PPHLN1: variants seen among roughly 807,000 people sequenced by gnomAD.
PPHLN1 encodes the protein periphilin-1.
Under a neutral mutation model 51.3 loss-of-function variants are expected in PPHLN1, and 29 were observed. The ratio of observed to expected loss-of-function variants is 0.57; its 90% CI spans 0.42 to 0.77. PPHLN1 has a LOEUF of 0.77. PPHLN1 is among the 30% of genes least tolerant of loss of function. The pLI is 0.00. For missense variants in PPHLN1, 436 were observed against 438.4 expected, an observed-to-expected ratio of 0.99 and a Z score of 0.05; for synonymous variants, 147 against 147.8, an observed-to-expected ratio of 0.99 and a Z score of 0.04.
chr12:42,396,095 C>T (rs538854788), intron 8 of PPHLN1, among the ~76,000 whole-genome samples: 8 of 152,142 alleles, frequency 5.3e-5, no homozygotes, highest in African/African-American at 1.9e-4. Flanking sequence ...AAAAAAGATT[C>T]TAGTAGCCAG....
At chr12:42,442,547 C>CT, downstream of PPHLN1, 2 of 1,546,302 alleles carry the variant, frequency 1.3e-6, no homozygotes, top group Non-Finnish European at 1.8e-6. Flanking sequence ...GGACTGCACT[C>CT]TCTTTTGGGC....
intron 7 of PPHLN1, among the ~76,000 whole-genome samples, chr12:42,393,164 G>A (rs912619156): frequency 3.3e-5 from 5 of 152,060 alleles, no homozygotes; most frequent in African/African-American, 7.2e-5. Flanking sequence ...ATATCTGTAC[G>A]TTTCTGTTGT....
intron 3 of PPHLN1, among the ~76,000 whole-genome samples, chr12:42,354,499 T>C (rs909308016): frequency 6.6e-6 from 1 of 152,166 alleles, no homozygotes; most frequent in African/African-American, 2.4e-5. Context: ...CGTGAGCCAC[T>C]GCGCCTGGCC....
chr12:42,350,712 C>G (rs898751082), intron 2 of PPHLN1, among the ~76,000 whole-genome samples: 2 of 152,148 alleles, frequency 1.3e-5, no homozygotes, highest in Non-Finnish European at 2.9e-5. Context: ...TCTGCGATCC[C>G]GGCACCTCGG....
At chr12:42,419,342 A>G (rs111456960) in intron 9 of PPHLN1, among the ~76,000 whole-genome samples, 16,887 of 151,970 alleles carry the variant, frequency 0.11, 1,174 homozygotes, top group African/African-American at 0.19. Flanking sequence ...CCCGGGTTCA[A>G]GTGATTCTCC....
At chr12:42,444,890 G>A (rs533903263), downstream of PPHLN1, 55 of 575,224 alleles carry the variant, frequency 9.6e-5, no homozygotes, top group Middle Eastern at 1.5e-3. Flanking sequence ...ATGGAAAAGC[G>A]GCTATCTGGT....
At chr12:42,383,220 A>G (rs1017486769) in intron 5 of PPHLN1, among the ~76,000 whole-genome samples, 35 of 152,216 alleles carry the variant, frequency 2.3e-4, no homozygotes, top group Non-Finnish European at 1.0e-4. Context: ...CTCCAAGGTT[A>G]AAAAGATAAG....
At chr12:42,379,101 A>G (rs1248176999) in intron 5 of PPHLN1, among the ~76,000 whole-genome samples, 1 of 151,850 alleles carries the variant, frequency 6.6e-6, no homozygotes, top group Non-Finnish European at 1.5e-5. Context: ...GTCAATTCTA[A>G]TACTTATTTT....
intron 9 of PPHLN1, among the ~76,000 whole-genome samples, chr12:42,438,447 C>T (rs1057334529): frequency 5.9e-5 from 9 of 152,256 alleles, no homozygotes; most frequent in Non-Finnish European, 1.2e-4. Context: ...TCTCACTACT[C>T]ATCATCGTTT....
chr12:42,444,971 A>G, downstream of PPHLN1: 1 of 686,586 alleles, frequency 1.5e-6, no homozygotes, highest in Non-Finnish European at 2.6e-6. Flanking sequence ...GAGCCCTAAT[A>G]TTGGCCCTAG....
At chr12:42,429,265 T>C (rs972914724) in intron 9 of PPHLN1, among the ~76,000 whole-genome samples, 3 of 152,222 alleles carry the variant, frequency 2.0e-5, no homozygotes, top group Non-Finnish European at 4.4e-5. Flanking sequence ...TTGGTTTTTT[T>C]CCTAATCAAC....
intron 9 of PPHLN1, chr12:42,431,533 T>G: frequency 1.8e-6 from 1 of 563,278 alleles, no homozygotes; most frequent in Non-Finnish European, 3.2e-6. Flanking sequence ...ATCCCTCCCC[T>G]TTTTGAATTC....
downstream of PPHLN1, chr12:42,442,922 T>C: frequency 2.1e-6 from 2 of 971,940 alleles, no homozygotes; most frequent in Non-Finnish European, 2.9e-6. Flanking sequence ...TGCAAACTGT[T>C]GTTTCCCATA....
chr12:42,344,486 T>C (rs560320518), intron 2 of PPHLN1, among the ~76,000 whole-genome samples: 2 of 152,166 alleles, frequency 1.3e-5, no homozygotes, highest in Non-Finnish European at 2.9e-5. Context: ...ACACTTAAAA[T>C]GTCAATAAGT....
chr12:42,398,648 TAAAAA>T (rs993491034), intron 8 of PPHLN1: 1 of 317,648 alleles, frequency 3.1e-6, no homozygotes, highest in African/African-American at 2.2e-5. Flanking sequence ...TGTTCCATAT[TAAAAA>T]AAAAAAAGTA....
At chr12:42,416,840 A>G (rs1282046314) in intron 9 of PPHLN1, among the ~76,000 whole-genome samples, 8 of 152,156 alleles carry the variant, frequency 5.3e-5, no homozygotes, top group African/African-American at 1.9e-4. Context: ...TATTTTACTG[A>G]ATTTTGAAGG....
rs113776346 is a variant in PPHLN1, at chr12:42,392,478, T to C, written c.649-1092T>C. Among the ~76,000 whole-genome samples, 692 of 152,316 alleles carry C rather than the reference T, an allele frequency of 4.5e-3. 1 individual carries two copies. The highest frequency in any genetic ancestry group is 0.016 in the African/African-American group (670 of 41,560). On this transcript the variant is annotated intron_variant, in intron 7 of 9. Transcript: ENST00000358314. ...ATATTTGGAATCAGTGATGTGACTT[T>C]AGAGAAGTAAAGCTTAGTAATAGAA...
intron 9 of PPHLN1, among the ~76,000 whole-genome samples, chr12:42,406,819 A>G (rs1813004218): frequency 6.6e-6 from 1 of 152,134 alleles, no homozygotes; most frequent in Non-Finnish European, 1.5e-5. Context: ...AATTTCTAGA[A>G]GCTTTTTTTA....
chr12:42,411,867 G>A lies in PPHLN1; in HGVS notation c.909+12873G>A, dbSNP rs571377629. On this transcript the variant is annotated intron_variant, in intron 9 of 9. Coordinates refer to ENST00000358314, the MANE Select transcript of PPHLN1 (RefSeq NM_201439.2). ...TGCAGTGTGTGGAGATCGTGCCCTT[G>A]TACTCCAGCCTGGGGGATAGAGTGA... 8.1e-5 allele frequency among the ~76,000 whole-genome samples: 10 copies of A among 123,464 alleles called. No homozygotes were observed. The East Asian group carries it at 2.5e-3, about 30-fold the overall frequency. 81.0% of individuals were successfully genotyped at this position (123,464 alleles called of 152,430 possible). A position where few individuals can be genotyped will look rare whatever the true frequency, so the allele number is the denominator to read the frequency against.
Sources: gnomAD v4.1 joint callset for allele counts (sites outside exome capture counted in the v4.1 genomes callset) on GRCh38, gnomAD v4.1.1 for gene constraint, MANE v1.5 for transcripts, NCBI Gene and HGNC (gene_info 2026-07-23, HGNC 2026-07-21) for gene names.